NCKAP5: variants seen among roughly 807,000 people sequenced by gnomAD.
NCKAP5 encodes the protein NCK associated protein 5.
In NCKAP5, 92 loss-of-function variants were observed where a neutral mutation model predicts 167.0. That is an observed-to-expected ratio of 0.55 (90% confidence interval 0.47 to 0.66). NCKAP5 has a LOEUF of 0.66. Ranked by LOEUF, NCKAP5 falls within the 30% of genes least tolerant of loss-of-function variation. The probability of loss-of-function intolerance (pLI) is 0.00; values close to 1 mark genes in which losing one functional copy is unlikely to be tolerated. For missense variants in NCKAP5, 2,378 were observed against 2,315.0 expected (o/e 1.03, Z -0.56); for synonymous variants, 891 against 877.4 (o/e 1.02, Z -0.27).
intron 7 of NCKAP5, among the ~76,000 whole-genome samples, chr2:132,973,444 A>T (rs1364625005): frequency 6.6e-6 from 1 of 152,220 alleles, no homozygotes; most frequent in African/African-American, 2.4e-5. Flanking sequence ...AATTTTAGTT[A>T]TCACATAAAT....
chr2:133,454,607 G>A (rs969865742), intron 3 of NCKAP5, among the ~76,000 whole-genome samples: 3 of 151,970 alleles, frequency 2.0e-5, no homozygotes, highest in Non-Finnish European at 4.4e-5. Context: ...GTAGTCTTTG[G>A]AGTGCTTTTG....
chr2:133,480,339 C>T (rs1680313528), intron 3 of NCKAP5, among the ~76,000 whole-genome samples: 1 of 152,118 alleles, frequency 6.6e-6, no homozygotes. Context: ...TCTGCTTTCT[C>T]CTCCCCTTTC....
At chr2:132,898,845 C>G (rs1693406456) in intron 8 of NCKAP5, among the ~76,000 whole-genome samples, 1 of 152,138 alleles carries the variant, frequency 6.6e-6, no homozygotes, top group Non-Finnish European at 1.5e-5. Context: ...TTGGTTGTAC[C>G]ATTTACAGAG....
chr2:133,160,435 T>TTC (rs2083747344), intron 5 of NCKAP5, among the ~76,000 whole-genome samples: 2 of 84,236 alleles, frequency 2.4e-5, no homozygotes, highest in East Asian at 9.2e-4. Context: ...TTTCCTTTCT[T>TTC]TTTCTTTTTT....
At chr2:133,150,320 G>T (rs935966468) in intron 5 of NCKAP5, among the ~76,000 whole-genome samples, 1 of 152,114 alleles carries the variant, frequency 6.6e-6, no homozygotes, top group Non-Finnish European at 1.5e-5. Context: ...TGTTGTCTGG[G>T]TTATCAGATA....
intron 4 of NCKAP5, among the ~76,000 whole-genome samples, chr2:133,231,337 A>T (rs2087137161): frequency 6.6e-6 from 1 of 152,198 alleles, no homozygotes; most frequent in Admixed American, 6.5e-5. Flanking sequence ...AGACTAAAAG[A>T]CATGTTTAAA....
At chr2:133,612,833 T>C in the NCKAP5 span, among the ~76,000 whole-genome samples, 1 of 152,212 alleles carries the variant, frequency 6.6e-6, no homozygotes, top group African/African-American at 2.4e-5. Flanking sequence ...TGACTGGATG[T>C]GAAGCCTTTA....
intron 4 of NCKAP5, among the ~76,000 whole-genome samples, chr2:133,291,946 TG>T (rs1456226675): frequency 6.6e-6 from 1 of 152,144 alleles, no homozygotes; most frequent in Admixed American, 6.5e-5. Flanking sequence ...GTTAAAACCT[TG>T]AAGGAAAAAA....
chr2:132,911,329 G>C (rs1694432858), intron 8 of NCKAP5: 1 of 152,406 alleles, frequency 6.6e-6, no homozygotes, highest in South Asian at 2.1e-4. Context: ...CTCTAGCTCA[G>C]CCAGTGTCCA....
At chr2:133,452,714 G>C (rs761592269) in intron 3 of NCKAP5, among the ~76,000 whole-genome samples, 1 of 152,082 alleles carries the variant, frequency 6.6e-6, no homozygotes, top group Admixed American at 6.6e-5. Context: ...CAAGATTGAC[G>C]CATCAGGAGT....
chr2:133,102,125 C>CT, intron 6 of NCKAP5, among the ~76,000 whole-genome samples: 1 of 143,112 alleles, frequency 7.0e-6, no homozygotes, highest in East Asian at 1.9e-4. Flanking sequence ...CTGATTTTTT[C>CT]TTTTTTTCTT....
At position 132,673,180 on chromosome 2, in the gene NCKAP5, CAG is replaced by C. The variant is rs1683959843; in HGVS notation, c.*107_*108del. The stretch of plus-strand genomic sequence containing the variant: ...CTTCCTTCTGTCCTTCAACCTTGTT[CAG>C]AGAGTTCTTCTCTTTTTCTAATAAA... On this transcript the variant is annotated 3_prime_UTR_variant, in exon 20 of 20. Transcript: ENST00000409261. 7.2e-7 allele frequency: 1 copy of C among 1,397,980 alleles called. No individual in the cohort carries two copies. Among genetic ancestry groups the C allele is most frequent in the Admixed American group, 3.4e-5 (1 of 29,332 alleles). The allele number at this position is 1,397,980 out of a possible 1,614,324, so 86.6% of individuals were successfully genotyped here.
intron 16 of NCKAP5, among the ~76,000 whole-genome samples, chr2:132,734,991 T>TA (rs1161318651): frequency 6.6e-6 from 1 of 152,250 alleles, no homozygotes; most frequent in East Asian, 1.9e-4. Flanking sequence ...CCTGGAATTC[T>TA]AGCTTGGTTC....
chr2:133,468,478 G>A (rs1219509126), intron 3 of NCKAP5, among the ~76,000 whole-genome samples: 1 of 151,462 alleles, frequency 6.6e-6, no homozygotes, highest in Non-Finnish European at 1.5e-5. Context: ...TGAAAAAAAT[G>A]TATATTCTGT....
intron 8 of NCKAP5, among the ~76,000 whole-genome samples, chr2:132,912,236 A>T (rs532493370): frequency 6.6e-6 from 1 of 152,328 alleles, no homozygotes; most frequent in African/African-American, 2.4e-5. Context: ...TCTGTGGCAC[A>T]GTGCCCTTTG....
At chr2:133,191,928 C>G (rs1347398802) in intron 5 of NCKAP5, among the ~76,000 whole-genome samples, 2 of 151,660 alleles carry the variant, frequency 1.3e-5, no homozygotes, top group Admixed American at 6.6e-5. Context: ...AAAAAAAATT[C>G]CAGTGAGATA....
At chr2:132,811,602 C>A (rs1187416747) in intron 11 of NCKAP5, among the ~76,000 whole-genome samples, 1 of 152,046 alleles carries the variant, frequency 6.6e-6, no homozygotes, top group Non-Finnish European at 1.5e-5. Context: ...CTACCATGCT[C>A]CCCCCAACCC....
intron 16 of NCKAP5, among the ~76,000 whole-genome samples, chr2:132,757,589 T>A (rs964520169): frequency 2.0e-5 from 3 of 152,216 alleles, no homozygotes; most frequent in African/African-American, 7.2e-5. Context: ...ATCTCCACAA[T>A]TTGCCACAGT....
At position 133,043,199 on chromosome 2, in the gene NCKAP5, C is replaced by T. The variant is rs2079272556; in HGVS notation, c.342-48960G>A. Among the ~76,000 whole-genome samples the T allele has an allele frequency of 2.0e-5, 3 of 152,200 alleles. No homozygotes were observed. In the South Asian group the frequency reaches 6.2e-4, roughly 32 times the overall value. ...AGTTTTCTATAGAACTAATGTAACT[C>T]TAGGCAGAAATATAGATTTAGAAGA... On this transcript the variant is annotated intron_variant, in intron 6 of 19. Coordinates refer to ENST00000409261, the MANE Select transcript of NCKAP5 (RefSeq NM_207363.3).
Sources: allele counts gnomAD v4.1 joint callset (sites outside exome capture counted in the v4.1 genomes callset), GRCh38; gene constraint gnomAD v4.1.1; transcripts MANE v1.5; gene names NCBI Gene and HGNC (gene_info 2026-07-23, HGNC 2026-07-21).